Variants in RBFOX1 observed in about 807,000 individuals in gnomAD.
The protein encoded by RBFOX1 is RNA binding protein fox-1 homolog 1.
In RBFOX1, 8 loss-of-function variants were observed where a neutral mutation model predicts 57.7. The ratio of observed to expected loss-of-function variants is 0.14; its 90% CI spans 0.08 to 0.25. The LOEUF (loss-of-function observed/expected upper bound fraction) is 0.25. Among genes scored for constraint, RBFOX1 ranks in the 10% least tolerant of loss-of-function variants. The pLI is 1.00. For missense variants in RBFOX1, 611 were observed against 548.5 expected (o/e 1.11, Z -1.14); for synonymous variants, 326 against 222.4 (o/e 1.47, Z -4.15).
intron 2 of RBFOX1, among the ~76,000 whole-genome samples, chr16:6,564,264 G>C (rs537713177): frequency 5.5e-4 from 84 of 152,280 alleles, no homozygotes; most frequent in African/African-American, 1.7e-3. Context: ...TATGGAACAT[G>C]CTCTATGGTT....
intron 3 of RBFOX1, among the ~76,000 whole-genome samples, chr16:7,005,238 T>C (rs1174623222): frequency 1.3e-5 from 2 of 152,098 alleles, no homozygotes; most frequent in African/African-American, 2.4e-5. Context: ...AAAAGATGAG[T>C]GCTAATAGCT....
rs1405750576 is a variant in RBFOX1, at chr16:7,210,552, C to G, written c.27+158454C>G. Reference sequence around the variant, plus strand: ...CTAAATTAACATTTTATGGAATAAACGGATACTGTATTCTAACCAGGTTGA... The same window carrying G: ...CTAAATTAACATTTTATGGAATAAAGGGATACTGTATTCTAACCAGGTTGA... On this transcript the variant is annotated intron_variant, in intron 4 of 15. Transcript: ENST00000550418. Among the ~76,000 whole-genome samples, 5 of 152,300 alleles carry G rather than the reference C, an allele frequency of 3.3e-5. No individual in the cohort carries two copies. In the East Asian group the frequency reaches 5.8e-4, roughly 18 times the overall value.
intron 3 of RBFOX1, among the ~76,000 whole-genome samples, chr16:5,678,189 G>A (rs879489904): frequency 3.3e-5 from 5 of 152,204 alleles, no homozygotes; most frequent in African/African-American, 4.8e-5. Flanking sequence ...CACTGGCTCT[G>A]GTTCCAGCAG....
At chr16:7,518,900 G>A (rs1440494670) in intron 5 of RBFOX1, among the ~76,000 whole-genome samples, 1 of 152,138 alleles carries the variant, frequency 6.6e-6, no homozygotes, top group East Asian at 1.9e-4. Flanking sequence ...GTGCATGCCT[G>A]TAGTCCCAGC....
chr16:6,552,264 A>C (rs1425272899), intron 2 of RBFOX1, among the ~76,000 whole-genome samples: 4 of 152,130 alleles, frequency 2.6e-5, no homozygotes, highest in Admixed American at 2.6e-4. Flanking sequence ...AAGGAGGGCA[A>C]CCCCTTTTCT....
chr16:6,895,336 A>T (rs1290251920), intron 3 of RBFOX1, among the ~76,000 whole-genome samples: 1 of 150,738 alleles, frequency 6.6e-6, no homozygotes, highest in East Asian at 2.0e-4. Flanking sequence ...TGATTTACTA[A>T]ATATGGAATG....
At chr16:7,471,668 T>C (rs1437208751) in intron 4 of RBFOX1, among the ~76,000 whole-genome samples, 1 of 152,196 alleles carries the variant, frequency 6.6e-6, no homozygotes, top group Non-Finnish European at 1.5e-5. Flanking sequence ...TGGGGGAGAA[T>C]CCAGAGATGT....
chr16:7,461,119 T>G (rs569476814), intron 4 of RBFOX1, among the ~76,000 whole-genome samples: 2 of 152,262 alleles, frequency 1.3e-5, no homozygotes, highest in South Asian at 4.1e-4. Flanking sequence ...GCAATAACAT[T>G]ATATTTCACG....
At chr16:6,427,547 G>A (rs78360651) in intron 2 of RBFOX1, among the ~76,000 whole-genome samples, 5,602 of 149,992 alleles carry the variant, frequency 0.037, 368 homozygotes, top group African/African-American at 0.13. Context: ...TTGCATTCAT[G>A]CATTTGTGCC....
intron 2 of RBFOX1, among the ~76,000 whole-genome samples, chr16:6,528,618 C>T (rs1214754147): frequency 3.3e-5 from 5 of 152,192 alleles, no homozygotes; most frequent in African/African-American, 1.2e-4. Context: ...AAAATGACAT[C>T]TTCATTGTGA....
In RBFOX1 at chr16:6,577,472, C is replaced by T. The variant is rs183782361; in HGVS notation, c.-63-77131C>T. On this transcript the variant is annotated intron_variant, in intron 2 of 15. Transcript: ENST00000550418. ...TTCCAACTCTCCAGTTTGTATCAGTCGGGGAACACCAAGTTGTGCTGTGGT... is the reference window on the plus strand; with the variant it reads ...TTCCAACTCTCCAGTTTGTATCAGTTGGGGAACACCAAGTTGTGCTGTGGT... The T allele has an allele frequency of 2.6e-5, 4 of 152,250 alleles. No individual in the cohort carries two copies. In the East Asian group the frequency reaches 5.8e-4, roughly 22 times the overall value. 9.4% of individuals were successfully genotyped at this position (152,250 alleles called of 1,614,324 possible).
At chr16:6,523,564 A>C (rs1299796830) in intron 2 of RBFOX1, among the ~76,000 whole-genome samples, 1 of 151,980 alleles carries the variant, frequency 6.6e-6, no homozygotes, top group Non-Finnish European at 1.5e-5. Flanking sequence ...CCCTTTTTTG[A>C]CCTTGCCTTT....
chr16:7,375,054 A>G (rs917880144), intron 4 of RBFOX1, among the ~76,000 whole-genome samples: 5 of 152,242 alleles, frequency 3.3e-5, no homozygotes, highest in African/African-American at 1.2e-4. Context: ...AGATAGGCGT[A>G]TGTTTCAGGA....
At chr16:7,207,931 C>T (rs572374333) in intron 4 of RBFOX1, among the ~76,000 whole-genome samples, 15 of 152,186 alleles carry the variant, frequency 9.9e-5, no homozygotes, top group South Asian at 2.1e-4. Context: ...TCCTTCCTCT[C>T]AATCTTAGTC....
intron 3 of RBFOX1, among the ~76,000 whole-genome samples, chr16:6,661,999 G>C (rs1285274349): frequency 6.6e-6 from 1 of 152,158 alleles, no homozygotes; most frequent in Non-Finnish European, 1.5e-5. Context: ...GATGAACCTA[G>C]AGGACATTAG....
intron 11 of RBFOX1, among the ~76,000 whole-genome samples, chr16:7,645,793 C>G (rs1327334062): frequency 1.3e-5 from 2 of 152,112 alleles, no homozygotes; most frequent in African/African-American, 2.4e-5. Context: ...TATCAACATG[C>G]ATTTCATACT....
chr16:5,503,141 T>C (rs2151702929), intron 2 of RBFOX1, among the ~76,000 whole-genome samples: 1 of 152,342 alleles, frequency 6.6e-6, no homozygotes, highest in East Asian at 1.9e-4. Flanking sequence ...GCCGCAGTTC[T>C]GCCATTGACT....
intron 4 of RBFOX1, among the ~76,000 whole-genome samples, chr16:7,309,156 G>T (rs1477010681): frequency 6.6e-6 from 1 of 152,162 alleles, no homozygotes; most frequent in African/African-American, 2.4e-5. Flanking sequence ...CTTTCTAGAG[G>T]GATGTCTTAC....
chr16:5,788,463 T>C (rs774604609), intron 3 of RBFOX1, among the ~76,000 whole-genome samples: 6 of 151,958 alleles, frequency 3.9e-5, no homozygotes, highest in Non-Finnish European at 7.4e-5. Context: ...ACACTGTCTC[T>C]ACCAAAAATA....
Sources: gnomAD v4.1 joint callset for allele counts (sites outside exome capture counted in the v4.1 genomes callset) on GRCh38, gnomAD v4.1.1 for gene constraint, MANE v1.5 for transcripts, NCBI Gene and HGNC (gene_info 2026-07-23, HGNC 2026-07-21) for gene names.